NCOR2: variants seen among roughly 807,000 people sequenced by gnomAD.
NCOR2 encodes the protein CTG repeat protein 26.
Under a neutral mutation model 262.9 loss-of-function variants are expected in NCOR2, and 81 were observed. That is an observed-to-expected ratio of 0.31 (90% CI 0.26 to 0.37). The LOEUF is 0.37. Among genes scored for constraint, NCOR2 ranks in the 10% least tolerant of loss-of-function variants. NCOR2 has a pLI of 1.00. For missense variants in NCOR2, 3,385 were observed against 3,621.4 expected (o/e 0.93, Z 1.68); for synonymous variants, 1,659 against 1,559.3 (o/e 1.06, Z -1.51).
At chr12:124,477,161 C>G (rs555660792) in intron 3 of NCOR2, among the ~76,000 whole-genome samples, 50 of 152,246 alleles carry the variant, frequency 3.3e-4, no homozygotes, top group Non-Finnish European at 6.6e-4. Context: ...AATTGTAGTT[C>G]CCATAATTCC....
At chr12:124,324,666 TG>T (rs1462856048) in exon 47 of NCOR2, 1 of 152,494 alleles carries the variant, frequency 6.6e-6, no homozygotes. Flanking sequence ...GCAGTAATAC[TG>T]GGTAAGTCCT....
At chr12:124,367,925 C>G in intron 20 of NCOR2, among the ~76,000 whole-genome samples, 1 of 152,336 alleles carries the variant, frequency 6.6e-6, no homozygotes, top group South Asian at 2.1e-4. Context: ...TGAGCCACCG[C>G]GACCGGCCTC....
At chr12:124,493,875 A>C (rs1046091717) in intron 1 of NCOR2, among the ~76,000 whole-genome samples, 5 of 152,204 alleles carry the variant, frequency 3.3e-5, no homozygotes, top group African/African-American at 1.2e-4. Context: ...ACTTAGGGCA[A>C]TCGCACCTGA....
chr12:124,388,559 C>T, intron 16 of NCOR2: 1 of 993,082 alleles, frequency 1.0e-6, no homozygotes, highest in Non-Finnish European at 1.4e-6. Flanking sequence ...CTGGGACCCC[C>T]ATCCACTCCA....
chr12:124,466,152 G>T, intron 5 of NCOR2, 21 bp downstream of exon 7: 1 of 1,595,192 alleles, frequency 6.3e-7, no homozygotes. Context: ...GGGGGCAGCA[G>T]GCCAGGGCGG....
chr12:124,344,739 G>C, exon 32 of NCOR2: 1 of 1,544,644 alleles, frequency 6.5e-7, no homozygotes, highest in Non-Finnish European at 8.7e-7. Flanking sequence ...CCGGGGCGCC[G>C]CGCGCAATGG....
chr12:124,431,771 CAGTCACAT>C (rs1184410217), intron 8 of NCOR2, among the ~76,000 whole-genome samples: 1 of 151,218 alleles, frequency 6.6e-6, no homozygotes, highest in Non-Finnish European at 1.5e-5. Flanking sequence ...CACAGTCACA[CAGTCACAT>C]GGCAGACACA....
At chr12:124,438,104 T>G in intron 7 of NCOR2, 108 bp from the exon 10 acceptor site, 1 of 1,050,250 alleles carries the variant, frequency 9.5e-7, no homozygotes, top group Non-Finnish European at 1.4e-6. Context: ...CCGTTATTGG[T>G]TCTCAGGGAG....
chr12:124,422,614 GCCGATCGGCTC>G, intron 11 of NCOR2, 59 bp from the exon 14 acceptor site: 1 of 1,600,268 alleles, frequency 6.2e-7, no homozygotes, highest in Non-Finnish European at 8.5e-7. Flanking sequence ...CTGCGGGGCA[GCCGATCGGCTC>G]CCAGGCGCCT....
In NCOR2 at chr12:124,389,798, TG is replaced by T. The variant is rs890263758; in HGVS notation, c.1877-3912del. ...GGGTCCCCAAAGAGCCCTCTGCTGC[TG>T]GGGGGGTCTCGGGACCACAGCTGCC... On this transcript the variant is annotated intron_variant, in intron 16 of 46. Transcript: ENST00000405201. The surrounding 1 kb of genome is among the most constrained non-coding windows in gnomAD (Gnocchi z 4.4). Among the ~76,000 whole-genome samples the T allele has an allele frequency of 6.6e-6, 1 of 152,032 alleles. No homozygotes were observed. The highest frequency in any genetic ancestry group is 6.6e-5 in the Admixed American group (1 of 15,260).
At chr12:124,469,431 GAACA>G (rs1227613770) in intron 4 of NCOR2, among the ~76,000 whole-genome samples, 28 of 152,162 alleles carry the variant, frequency 1.8e-4, no homozygotes, top group South Asian at 4.1e-4. Context: ...CCAAAGCACG[GAACA>G]AACAAAGCCA....
intron 44 of NCOR2, among the ~76,000 whole-genome samples, chr12:124,328,081 T>C (rs193255827): frequency 6.6e-6 from 1 of 152,112 alleles, no homozygotes; most frequent in Admixed American, 6.5e-5. Flanking sequence ...GCTACCCTGT[T>C]TGGGGAACAG....
At chr12:124,536,141 G>T (rs1260972121), upstream of NCOR2, among the ~76,000 whole-genome samples, 1 of 152,062 alleles carries the variant, frequency 6.6e-6, no homozygotes, top group African/African-American at 2.4e-5. Flanking sequence ...ACTCAGGCTG[G>T]GGTGCAATCA....
chr12:124,544,411 A>G (rs1043471601), intron 1 of NCOR2, among the ~76,000 whole-genome samples: 1 of 152,214 alleles, frequency 6.6e-6, no homozygotes, highest in Non-Finnish European at 1.5e-5. Context: ...CTGCCCGCCC[A>G]GGAGCAGGGT....
chr12:124,343,800 G>T (rs989788032), intron 32 of NCOR2, among the ~76,000 whole-genome samples: 1 of 151,970 alleles, frequency 6.6e-6, no homozygotes, highest in African/African-American at 2.4e-5. Flanking sequence ...TTATTTTTTT[G>T]TATTTTTAGT....
chr12:124,564,166 G>C (rs554551290), intron 1 of NCOR2, among the ~76,000 whole-genome samples: 1 of 152,198 alleles, frequency 6.6e-6, no homozygotes, highest in Non-Finnish European at 1.5e-5. Context: ...CTGAGAGTTC[G>C]CCGGATGGGT....
At position 124,387,496 on chromosome 12, in the gene NCOR2, G is replaced by A. The variant is rs541794483; in HGVS notation, c.1877-1609C>T. ...CCCAAGCTTAGAGGACCAGCCAAGG[G>A]GGGCAACGCGGGCGTGGGGCCCCAG... On this transcript the variant is annotated intron_variant, in intron 16 of 46. Coordinates refer to ENST00000405201, the Ensembl canonical transcript of NCOR2. 3.6e-3 allele frequency among the ~76,000 whole-genome samples: 551 copies of A among 152,346 alleles called. 9 individuals are homozygous for A. The highest frequency in any genetic ancestry group is 1.2e-3 in the Non-Finnish European group (82 of 68,028).
At chr12:124,502,102 G>A (rs1019715977) in intron 1 of NCOR2, among the ~76,000 whole-genome samples, 1 of 152,192 alleles carries the variant, frequency 6.6e-6, no homozygotes, top group Non-Finnish European at 1.5e-5. Flanking sequence ...GGCGCAGAAC[G>A]GATGCTCAGG....
At chr12:124,446,046 G>GC in intron 7 of NCOR2, among the ~76,000 whole-genome samples, 1 of 152,228 alleles carries the variant, frequency 6.6e-6, no homozygotes. Flanking sequence ...CCTGCACGGG[G>GC]CCTCCCTTCC....
Sources: allele counts gnomAD v4.1 joint callset (sites outside exome capture counted in the v4.1 genomes callset), GRCh38; gene constraint gnomAD v4.1.1; non-coding constraint Gnocchi (gnomAD v3.1); transcripts MANE v1.5; gene names NCBI Gene and HGNC (gene_info 2026-07-23, HGNC 2026-07-21).